CDH8: variants seen among roughly 807,000 people sequenced by gnomAD.
CDH8 encodes cadherin 8.
A neutral mutation model predicts 68.1 loss-of-function variants in CDH8; 17 were observed. The ratio of observed to expected loss-of-function variants is 0.25; its 90% CI spans 0.17 to 0.37. CDH8 has a LOEUF of 0.37. Among genes scored for constraint, CDH8 ranks in the 10% least tolerant of loss-of-function variants. The probability of loss-of-function intolerance (pLI) is 1.00; values close to 1 mark genes in which losing one functional copy is unlikely to be tolerated. For synonymous variants in CDH8, 372 were observed against 365.1 expected (o/e 1.02, Z -0.21); for missense variants, 763 against 999.3 (o/e 0.76, Z 3.19).
At chr16:61,679,430 A>G (rs1021368675) in intron 10 of CDH8, among the ~76,000 whole-genome samples, 2 of 151,976 alleles carry the variant, frequency 1.3e-5, no homozygotes, top group Non-Finnish European at 2.9e-5. Flanking sequence ...TTTTGAATGC[A>G]TTTCTGGGCA....
At chr16:61,708,925 C>T (rs1026951029) in intron 10 of CDH8, among the ~76,000 whole-genome samples, 8 of 152,072 alleles carry the variant, frequency 5.3e-5, no homozygotes, top group Non-Finnish European at 1.2e-4. Context: ...TTCCAGTCAA[C>T]GTTTGGTGCT....
intron 10 of CDH8, chr16:61,667,314 A>C (rs1596847209): frequency 6.6e-6 from 1 of 152,004 alleles, no homozygotes; most frequent in South Asian, 2.1e-4. Flanking sequence ...TGGAAAAAAA[A>C]AATCAACATC....
intron 2 of CDH8, among the ~76,000 whole-genome samples, chr16:61,976,374 T>C (rs1160228902): frequency 1.3e-5 from 2 of 152,204 alleles, no homozygotes; most frequent in Non-Finnish European, 1.5e-5. Context: ...GTTGATTTTA[T>C]AGTAGATCTT....
At chr16:61,854,828 G>A (rs1274944438) in intron 4 of CDH8, among the ~76,000 whole-genome samples, 2 of 151,612 alleles carry the variant, frequency 1.3e-5, no homozygotes, top group Non-Finnish European at 1.5e-5. Context: ...TTTTTTTTAA[G>A]AGAGAGGTCC....
intron 2 of CDH8, among the ~76,000 whole-genome samples, chr16:61,960,697 C>T (rs1284153898): frequency 6.6e-6 from 1 of 152,050 alleles, no homozygotes; most frequent in Admixed American, 6.6e-5. Context: ...ACCTGTTGCC[C>T]TCCTTCCTCC....
rs139900036 is a variant in CDH8 at position 61,968,856 on chromosome 16, G to A, written c.252+52296C>T. ...TTCCTTTAGTGCTGCTTGAGAAAGC[G>A]GCGTGAAGCCTGACAAGGTGCAGGC... On this transcript the variant is annotated intron_variant, in intron 2 of 11. Transcript: ENST00000577390. 4.1e-3 allele frequency among the ~76,000 whole-genome samples: 631 copies of A among 152,298 alleles called. 1 individual carries two copies. The highest frequency in any genetic ancestry group is 0.014 in the African/African-American group (601 of 41,570).
At chr16:61,908,412 G>A (rs1297680160) in intron 2 of CDH8, among the ~76,000 whole-genome samples, 1 of 152,174 alleles carries the variant, frequency 6.6e-6, no homozygotes, top group African/African-American at 2.4e-5. Context: ...GACAGCGAAA[G>A]GGCAGGAAGG....
At chr16:62,018,843 T>A (rs8062295) in intron 2 of CDH8, among the ~76,000 whole-genome samples, 1 of 152,224 alleles carries the variant, frequency 6.6e-6, no homozygotes, top group African/African-American at 2.4e-5. Flanking sequence ...CAGAGAAGCA[T>A]GAACGTCTCA....
At chr16:61,893,294 T>A (rs534384946) in intron 3 of CDH8, among the ~76,000 whole-genome samples, 4 of 152,254 alleles carry the variant, frequency 2.6e-5, no homozygotes, top group African/African-American at 9.6e-5. Context: ...TGACCTCAAT[T>A]TAACTAATGA....
intron 2 of CDH8, among the ~76,000 whole-genome samples, chr16:61,968,095 C>A (rs997054676): frequency 6.6e-6 from 1 of 152,158 alleles, no homozygotes; most frequent in African/African-American, 2.4e-5. Flanking sequence ...CATAAGCAAC[C>A]GGGCTGGGCC....
intron 8 of CDH8, among the ~76,000 whole-genome samples, chr16:61,744,692 TTATA>T (rs1959968990): frequency 6.6e-6 from 1 of 151,536 alleles, no homozygotes; most frequent in Admixed American, 6.6e-5. Flanking sequence ...ATTATATTAC[TTATA>T]TAGTCTTTAA....
rs1963235607 is a variant in CDH8 at position 61,647,725 on chromosome 16, T to A, written c.*5883A>T. The A allele has an allele frequency of 1.5e-6, 1 of 685,024 alleles. No individual in the cohort carries two copies. Among genetic ancestry groups the A allele is most frequent in the Admixed American group, 2.1e-5 (1 of 47,076 alleles). The allele number at this position is 685,024 out of a possible 1,614,324, so 42.4% of individuals were successfully genotyped here. ...GAATCATAGGATGGCCTGAAGTTCTTTGCATGTACAGAAGAAATCCCAAGA... is the reference window on the plus strand; with the variant it reads ...GAATCATAGGATGGCCTGAAGTTCTATGCATGTACAGAAGAAATCCCAAGA... On this transcript the variant is annotated 3_prime_UTR_variant, in exon 12 of 12. Coordinates refer to ENST00000577390, the MANE Select transcript of CDH8 (RefSeq NM_001796.5).
At chr16:61,926,173 G>GTGTA (rs1376489538) in intron 2 of CDH8, among the ~76,000 whole-genome samples, 1 of 151,740 alleles carries the variant, frequency 6.6e-6, no homozygotes, top group East Asian at 1.9e-4. Context: ...GTGTGTGTGT[G>GTGTA]TGTGTGTGTG....
At chr16:61,723,357 C>T (rs982410926) in intron 9 of CDH8, among the ~76,000 whole-genome samples, 3 of 150,652 alleles carry the variant, frequency 2.0e-5, no homozygotes, top group Non-Finnish European at 3.0e-5. Context: ...TTCCTCCACT[C>T]GTCCAGCCAG....
rs3833039 is a variant in CDH8, at chr16:61,817,312, CCACACACACA to C, written c.1277+157_1277+166del. ...GTAGGCATACGTGTGCGTGTACACA[CCACACACACA>C]CACACACACACACACACACAGTATG... is the stretch of plus-strand genomic sequence containing the variant. On this transcript the variant is annotated intron_variant, in intron 7 of 11. Coordinates refer to ENST00000577390, the MANE Select transcript of CDH8 (RefSeq NM_001796.5). 6.3e-4 allele frequency among the ~76,000 whole-genome samples: 93 copies of C among 148,180 alleles called. 1 individual carries two copies. The East Asian group carries it at 0.013, about 20-fold the overall frequency.
At chr16:61,988,525 C>A (rs1965663810) in intron 2 of CDH8, among the ~76,000 whole-genome samples, 1 of 152,112 alleles carries the variant, frequency 6.6e-6, no homozygotes, top group African/African-American at 2.4e-5. Flanking sequence ...AGTGATGATG[C>A]CAGCCACTTC....
intron 4 of CDH8, among the ~76,000 whole-genome samples, chr16:61,829,591 C>A (rs1295007105): frequency 6.6e-6 from 1 of 151,790 alleles, no homozygotes; most frequent in Non-Finnish European, 1.5e-5. Flanking sequence ...GAGAGTAATA[C>A]CTATTCATTT....
chr16:61,656,690 G>GT (rs1397562793), intron 10 of CDH8, among the ~76,000 whole-genome samples: 1 of 152,134 alleles, frequency 6.6e-6, no homozygotes, highest in Non-Finnish European at 1.5e-5. Context: ...CATTTTGCAG[G>GT]TGTCGGTTAA....
chr16:61,865,262 T>C (rs1387664364), intron 3 of CDH8, among the ~76,000 whole-genome samples: 1 of 152,222 alleles, frequency 6.6e-6, no homozygotes, highest in East Asian at 1.9e-4. Flanking sequence ...TCAGTTTACA[T>C]ATTTTATTCT....
Sources: gnomAD v4.1 joint callset for allele counts (sites outside exome capture counted in the v4.1 genomes callset) on GRCh38, gnomAD v4.1.1 for gene constraint, MANE v1.5 for transcripts, NCBI Gene and HGNC (gene_info 2026-07-23, HGNC 2026-07-21) for gene names.